GP2: variants seen among roughly 807,000 people sequenced by gnomAD.
GP2 encodes pancreatic secretory granule membrane major glycoprotein GP2.
GP2 carries 58 observed loss-of-function variants against 60.8 expected under a neutral mutation model. The ratio of observed to expected loss-of-function variants is 0.95; its 90% CI spans 0.77 to 1.19. GP2 has a LOEUF of 1.19. GP2 is among the 50% of genes most tolerant of loss of function. The pLI is 0.00. For synonymous variants in GP2, 280 were observed against 253.4 expected, an observed-to-expected ratio of 1.10 and a Z score of -1.00; for missense variants, 647 against 667.4, an observed-to-expected ratio of 0.97 and a Z score of 0.34.
Position 20,317,381 on chromosome 16 carries a change from A to G in GP2, c.1254-6T>C, listed in dbSNP as rs1567287673. On this transcript the variant is annotated splice_polypyrimidine_tract_variant and splice_region_variant and intron_variant, in intron 7 of 10. Transcript: ENST00000302555. ...AATCACGTTGATTTGAGCAGCTGGGAGGGTGACAGGGGCAAAGGTGTAACT... is the reference window on the plus strand; with the variant it reads ...AATCACGTTGATTTGAGCAGCTGGGGGGGTGACAGGGGCAAAGGTGTAACT... 6.2e-7 allele frequency: 1 copy of G among 1,611,846 alleles called. No individual in the cohort carries two copies. Among genetic ancestry groups the G allele is most frequent in the Admixed American group, 1.7e-5 (1 of 59,964 alleles).
At chr16:20,313,524 C>A (rs1313560804) in intron 10 of GP2, among the ~76,000 whole-genome samples, 1 of 152,186 alleles carries the variant, frequency 6.6e-6, no homozygotes, top group Non-Finnish European at 1.5e-5. Context: ...GGCTCATTCC[C>A]CTAACATTTG....
Position 20,311,156 on chromosome 16 carries a change from A to G in GP2, c.*67T>C. 1 of 930,418 alleles carries G rather than the reference A, an allele frequency of 1.1e-6. No homozygotes were observed. Among genetic ancestry groups the G allele is most frequent in the Non-Finnish European group, 1.8e-6 (1 of 556,976 alleles). The allele number at this position is 930,418 out of a possible 1,614,324, so 57.6% of individuals were successfully genotyped here. On this transcript the variant is annotated 3_prime_UTR_variant, in exon 11 of 11. Coordinates refer to ENST00000302555, the MANE Select transcript of GP2 (RefSeq NM_001502.4). ...TGTGTGAATTGGAGTGGAAAGCAGA[A>G]GTGCTGAAGGGAGCCATTGCCAGAG...
At chr16:20,323,333 C>A in intron 3 of GP2, 1 of 717,602 alleles carries the variant, frequency 1.4e-6, no homozygotes, top group Non-Finnish European at 2.6e-6. Context: ...CTAGGAGAGC[C>A]CCTTAATCTC....
Position 20,324,001 on chromosome 16 carries a change from G to T in GP2, c.350C>A (p.Ala117Asp). ...GTGGGTCCCATTCAGCCACATGGGA[G>T]CGTCTGTCTGGCATCGGTGCACCTG... The part of the protein sequence containing the change: ...CVQVHRCQTD[A>D]PMWLNGTHPA... Residue 117 changes from alanine (A) to aspartate (D), a missense_variant, in exon 3 of 11, where the codon GCT (alanine) becomes GAT (aspartate). By Grantham distance (126) the Ala-to-Asp change is moderately radical. Coordinates refer to ENST00000302555, the MANE Select transcript of GP2 (RefSeq NM_001502.4). 6.2e-7 allele frequency: 1 copy of T among 1,614,090 alleles called. No homozygotes were observed. Among genetic ancestry groups the T allele is most frequent in the Non-Finnish European group, 8.5e-7 (1 of 1,179,924 alleles).
intron 9 of GP2, 57 bp downstream of exon 9, chr16:20,315,899 G>C: frequency 9.5e-7 from 1 of 1,048,912 alleles, no homozygotes; most frequent in Non-Finnish European, 1.5e-6. Flanking sequence ...CCAGGCATCT[G>C]TGGTTAACTG....
chr16:20,314,066 C>A (rs1318425434), intron 10 of GP2, among the ~76,000 whole-genome samples: 2 of 151,804 alleles, frequency 1.3e-5, no homozygotes, highest in Non-Finnish European at 2.9e-5. Context: ...CACACCAGGG[C>A]CTTCCAGGGG....
chr16:20,316,519 G>A (rs1175395253), intron 8 of GP2, among the ~76,000 whole-genome samples: 1 of 152,218 alleles, frequency 6.6e-6, no homozygotes, highest in Admixed American at 6.5e-5. Flanking sequence ...GAACCTCACA[G>A]TGGAGTAGGC....
At position 20,309,626 on chromosome 16, in the gene GP2, G is replaced by A. The variant is rs1963945156; in HGVS notation, c.*1597C>T. 1 of 152,116 alleles carries A rather than the reference G, an allele frequency of 6.6e-6. No individual in the cohort carries two copies. Among genetic ancestry groups the A allele is most frequent in the Non-Finnish European group, 1.5e-5 (1 of 68,038 alleles). 9.4% of individuals were successfully genotyped at this position (152,116 alleles called of 1,614,324 possible). On this transcript the variant is annotated 3_prime_UTR_variant, in exon 11 of 11. Coordinates refer to ENST00000302555, the MANE Select transcript of GP2 (RefSeq NM_001502.4). Reference sequence around the variant, plus strand: ...AGGGATGAGTGAACAGGAAAAGCTGGCTTCAGAGACATAAAAAGAAAACAA... The same window carrying A: ...AGGGATGAGTGAACAGGAAAAGCTGACTTCAGAGACATAAAAAGAAAACAA...
intron 2 of GP2, among the ~76,000 whole-genome samples, chr16:20,325,233 T>A (rs777608617): frequency 6.6e-6 from 1 of 152,256 alleles, no homozygotes; most frequent in Admixed American, 6.5e-5. Flanking sequence ...AAACCACACC[T>A]GTGAACCAGT....
chr16:20,327,498 G>T lies in GP2; in HGVS notation c.-68C>A. 2 of 1,288,814 alleles carry T rather than the reference G, an allele frequency of 1.6e-6. No homozygotes were observed. Among genetic ancestry groups the T allele is most frequent in the Non-Finnish European group, 1.0e-6 (1 of 988,410 alleles). The allele number at this position is 1,288,814 out of a possible 1,614,324, so 79.8% of individuals were successfully genotyped here. A position where few individuals can be genotyped will look rare whatever the true frequency, so the allele number is the denominator to read the frequency against. On this transcript the variant is annotated 5_prime_UTR_variant, in exon 1 of 11. Coordinates refer to ENST00000302555, the MANE Select transcript of GP2 (RefSeq NM_001502.4). ...TGAGAACACAAAGCGTTCCTCCTCT[G>T]GCCAGCCATGGGAATGCAGCCTGCT...
Position 20,323,876 on chromosome 16 carries a change from C to T in GP2, c.475G>A (p.Gly159Ser). The T allele has an allele frequency of 6.2e-7, 1 of 1,614,130 alleles. No homozygotes were observed. Among genetic ancestry groups the T allele is most frequent in the Non-Finnish European group, 8.5e-7 (1 of 1,179,984 alleles). Residue 159 changes from glycine to serine, a missense_variant, in exon 3 of 11, where the codon GGC (glycine) becomes AGC (serine). Gly to Ser is a moderately conservative substitution (Grantham distance 56, BLOSUM62 0). Coordinates refer to ENST00000302555, the MANE Select transcript of GP2 (RefSeq NM_001502.4). ...TCCAACCGGTACACATGGTACCCGCCTGGGCAGGCCTTCACCAGCACCTCT... is the reference window on the plus strand; with the variant it reads ...TCCAACCGGTACACATGGTACCCGCTTGGGCAGGCCTTCACCAGCACCTCT... Reference protein sequence around the residue: ...KTEVLVKACPGGYHVYRLEGT... With the variant: ...KTEVLVKACPSGYHVYRLEGT...
At chr16:20,319,895 G>A (rs1964300157) in intron 5 of GP2, 127 bp from the exon 6 acceptor site, 4 of 737,032 alleles carry the variant, frequency 5.4e-6, no homozygotes, top group South Asian at 3.4e-5. Flanking sequence ...CTGAGCTCAT[G>A]GAGGTCAAGG....
chr16:20,319,820 G>T (rs774761088), intron 5 of GP2, 52 bp from the exon 6 acceptor site: 8 of 1,386,952 alleles, frequency 5.8e-6, no homozygotes, highest in Non-Finnish European at 8.2e-6. Flanking sequence ...GTGTATGTAG[G>T]TGTATCTCAA....
intron 1 of GP2, chr16:20,327,002 C>T (rs976353766): frequency 1.8e-5 from 3 of 164,362 alleles, no homozygotes; most frequent in Non-Finnish European, 4.0e-5. Context: ...GAAAGAGCTG[C>T]AAAAAAGCCT....
At chr16:20,315,044 T>A (rs1964117850) in intron 9 of GP2, among the ~76,000 whole-genome samples, 1 of 152,104 alleles carries the variant, frequency 6.6e-6, no homozygotes, top group Non-Finnish European at 1.5e-5. Flanking sequence ...GATTCAAAAG[T>A]GGAAGTTCCT....
intron 1 of GP2, 147 bp downstream of exon 1, chr16:20,327,320 G>A (rs996949044): frequency 6.8e-5 from 27 of 398,724 alleles, no homozygotes; most frequent in Middle Eastern, 9.0e-4. Flanking sequence ...GACATAGAGT[G>A]GTACCTGGAG....
chr16:20,326,359 G>C lies in GP2; in HGVS notation c.73C>G (p.Gln25Glu). ...WLALVSCILT[Q>E]ASAVQRGYGN... Reference sequence around the variant, plus strand: ...TTACCTCGCTGCACTGCAGATGCCTGGGTCAGAATGCAGGAGACCAAGGCC... The same window carrying C: ...TTACCTCGCTGCACTGCAGATGCCTCGGTCAGAATGCAGGAGACCAAGGCC... The change falls in exon 2 of 11, where the codon CAG (glutamine) becomes GAG (glutamate). Residue 25 changes from glutamine (Q) to glutamate (E), a missense_variant. Gln to Glu is a conservative substitution (Grantham distance 29). Coordinates refer to ENST00000302555, the MANE Select transcript of GP2 (RefSeq NM_001502.4). The C allele has an allele frequency of 6.2e-7, 1 of 1,613,708 alleles. No individual in the cohort carries two copies. Among genetic ancestry groups the C allele is most frequent in the South Asian group, 1.1e-5 (1 of 91,084 alleles).
intron 9 of GP2, among the ~76,000 whole-genome samples, chr16:20,315,735 T>C (rs55772293): frequency 1.3e-5 from 2 of 152,340 alleles, no homozygotes; most frequent in Admixed American, 6.5e-5. Flanking sequence ...ATTAAGTGAA[T>C]TGATGGATGC....
In GP2 at chr16:20,318,326, A is replaced by G. The variant is rs369702436; in HGVS notation, c.1112T>C (p.Leu371Pro). The G allele has an allele frequency of 1.9e-6, 3 of 1,613,942 alleles. No individual in the cohort carries two copies. The Admixed American group carries it at 5.0e-5, about 27-fold the overall frequency. Residue 371 changes from leucine (L) to proline (P), a missense_variant, in exon 7 of 11, where the codon CTG becomes CCG. Transcript: ENST00000302555. Reference protein sequence around the residue: ...TNPYEGDAVELSVESVLYVGA... With the variant: ...TNPYEGDAVEPSVESVLYVGA... Reference sequence around the variant, plus strand: ...CACATACAGCACGGACTCAACAGACAGTTCAACTGCATCCCCTTCGTAAGG... The same window carrying G: ...CACATACAGCACGGACTCAACAGACGGTTCAACTGCATCCCCTTCGTAAGG...
Sources: gnomAD v4.1 joint callset for allele counts (sites outside exome capture counted in the v4.1 genomes callset) on GRCh38, gnomAD v4.1.1 for gene constraint, MANE v1.5 for transcripts, NCBI Gene and HGNC (gene_info 2026-07-23, HGNC 2026-07-21) for gene names.